Variants in ARNT2 observed in about 807,000 individuals in gnomAD.
ARNT2 encodes the protein aryl hydrocarbon receptor nuclear translocator 2.
Under a neutral mutation model 91.7 loss-of-function variants are expected in ARNT2, and 36 were observed. That is an observed-to-expected ratio of 0.39 (90% CI 0.30 to 0.52). The LOEUF is 0.52. Among genes scored for constraint, ARNT2 ranks in the 20% least tolerant of loss-of-function variants. The pLI, the probability that ARNT2 is intolerant of heterozygous loss-of-function variation, is 0.72. For synonymous variants in ARNT2, 365 were observed against 347.1 expected (o/e 1.05, Z -0.57); for missense variants, 775 against 939.3 (o/e 0.83, Z 2.29).
At chr15:80,441,297 T>G (rs2141577863) in intron 1 of ARNT2, 1 of 985,056 alleles carries the variant, frequency 1.0e-6, no homozygotes, top group Non-Finnish European at 1.2e-6. Context: ...GTTTCTGACA[T>G]TTCTTCTACA....
At chr15:80,450,633 T>C (rs1896374421) in intron 1 of ARNT2, among the ~76,000 whole-genome samples, 1 of 152,250 alleles carries the variant, frequency 6.6e-6, no homozygotes, top group African/African-American at 2.4e-5. Context: ...TCTGTTTAAT[T>C]CTGTGGTTAA....
At chr15:80,468,509 C>A (rs1209245034) in intron 3 of ARNT2, among the ~76,000 whole-genome samples, 2 of 152,154 alleles carry the variant, frequency 1.3e-5, no homozygotes, top group African/African-American at 2.4e-5. Flanking sequence ...CAATTCCAGG[C>A]CTTTATTTGA....
At chr15:80,547,717 C>T (rs559095584) in intron 8 of ARNT2, among the ~76,000 whole-genome samples, 1 of 152,132 alleles carries the variant, frequency 6.6e-6, no homozygotes, top group South Asian at 2.1e-4. Flanking sequence ...TTTTGGAAAG[C>T]TTGTATCTGT....
At chr15:80,572,900 G>C (rs907186747) in intron 12 of ARNT2, among the ~76,000 whole-genome samples, 1 of 152,216 alleles carries the variant, frequency 6.6e-6, no homozygotes, top group African/African-American at 2.4e-5. Flanking sequence ...GTTGCTGTCA[G>C]TGCTGTGGAA....
At chr15:80,539,708 A>G (rs990860514) in intron 8 of ARNT2, among the ~76,000 whole-genome samples, 11 of 152,232 alleles carry the variant, frequency 7.2e-5, no homozygotes, top group African/African-American at 2.2e-4. Context: ...GTCACTGGAA[A>G]ATCTATTCAA....
intron 5 of ARNT2, among the ~76,000 whole-genome samples, chr15:80,490,426 G>A (rs1484724070): frequency 1.3e-5 from 2 of 152,272 alleles, no homozygotes; most frequent in Admixed American, 6.5e-5. Context: ...GCAGCTAGGA[G>A]AGGACCCAGC....
chr15:80,503,165 C>G (rs1897223581), intron 5 of ARNT2, among the ~76,000 whole-genome samples: 1 of 152,192 alleles, frequency 6.6e-6, no homozygotes, highest in East Asian at 1.9e-4. Flanking sequence ...CTGTTTGCCT[C>G]TCTACTGGGA....
intron 11 of ARNT2, chr15:80,556,632 A>G (rs1039725101): frequency 1.3e-5 from 2 of 152,494 alleles, no homozygotes; most frequent in African/African-American, 4.8e-5. Flanking sequence ...AGTGTCATGC[A>G]CATCGTGACT....
chr15:80,406,441 A>G (rs1895602095), intron 1 of ARNT2, among the ~76,000 whole-genome samples: 2 of 152,272 alleles, frequency 1.3e-5, no homozygotes, highest in African/African-American at 4.8e-5. Flanking sequence ...TGAAATTAGA[A>G]AAAGCAAAAG....
intron 1 of ARNT2, chr15:80,434,036 T>C (rs890956774): frequency 4.6e-5 from 7 of 152,226 alleles, no homozygotes; most frequent in African/African-American, 1.4e-4. Context: ...GTAGGGCAGA[T>C]AGTTTCTTTA....
intron 1 of ARNT2, among the ~76,000 whole-genome samples, chr15:80,405,148 C>T (rs1018330497): frequency 6.6e-6 from 1 of 152,248 alleles, no homozygotes; most frequent in African/African-American, 2.4e-5. Context: ...GTGACATCCT[C>T]TGCTTTCTGG....
At chr15:80,593,489 C>A in intron 18 of ARNT2, 111 bp from the exon 19 acceptor site, 1 of 817,474 alleles carries the variant, frequency 1.2e-6, no homozygotes, top group Non-Finnish European at 1.9e-6. Context: ...CTCTGGGCTG[C>A]CCCTTTAGGG....
intron 12 of ARNT2, among the ~76,000 whole-genome samples, chr15:80,567,022 G>A (rs1156411774): frequency 6.6e-6 from 1 of 152,200 alleles, no homozygotes; most frequent in South Asian, 2.1e-4. Context: ...TACTCAGGAA[G>A]CAGAGAGGTA....
chr15:80,557,827 T>G (rs1171212757), intron 11 of ARNT2, among the ~76,000 whole-genome samples: 2 of 152,200 alleles, frequency 1.3e-5, no homozygotes, highest in Non-Finnish European at 2.9e-5. Flanking sequence ...GTCATTTCCT[T>G]GCTGGTCTCT....
intron 8 of ARNT2, among the ~76,000 whole-genome samples, chr15:80,516,746 CTTTT>C (rs947299409): frequency 9.6e-5 from 14 of 145,322 alleles, no homozygotes; most frequent in Non-Finnish European, 1.5e-4. Context: ...CTTTTTTTGC[CTTTT>C]TTAAGTTTCT....
Position 80,563,074 on chromosome 15 carries a change from A to G in ARNT2, c.1165-14A>G, listed in dbSNP as rs1248790740. On this transcript the variant is annotated splice_polypyrimidine_tract_variant and intron_variant, in intron 11 of 18. Coordinates refer to ENST00000303329, the MANE Select transcript of ARNT2 (RefSeq NM_014862.4). Reference sequence around the variant, plus strand: ...CTTCCTCCTGCTGACTTCCTTCTCCAAATGTTTTCTCAGGTGGTTAAGCTG... The same window carrying G: ...CTTCCTCCTGCTGACTTCCTTCTCCGAATGTTTTCTCAGGTGGTTAAGCTG... 1 of 1,613,926 alleles carries G rather than the reference A, an allele frequency of 6.2e-7. No individual in the cohort carries two copies. The highest frequency in any genetic ancestry group is 1.7e-5 in the Admixed American group (1 of 60,008).
chr15:80,546,297 G>A (rs185321052), intron 8 of ARNT2, among the ~76,000 whole-genome samples: 27 of 152,224 alleles, frequency 1.8e-4, no homozygotes, highest in Admixed American at 4.6e-4. Context: ...AGCACTCCCC[G>A]GTCATATCTA....
intron 11 of ARNT2, 89 bp downstream of exon 11, chr15:80,555,228 A>G: frequency 7.0e-7 from 1 of 1,426,398 alleles, no homozygotes; most frequent in Non-Finnish European, 9.8e-7. Context: ...ACTATGTGCC[A>G]GGCAGGCTGC....
intron 8 of ARNT2, among the ~76,000 whole-genome samples, chr15:80,524,738 G>A (rs911406221): frequency 6.6e-6 from 1 of 152,014 alleles, no homozygotes; most frequent in African/African-American, 2.4e-5. Context: ...AGCTGGGCGT[G>A]GTGGCGGGCG....
Sources: gnomAD v4.1 joint callset for allele counts (sites outside exome capture counted in the v4.1 genomes callset) on GRCh38, gnomAD v4.1.1 for gene constraint, MANE v1.5 for transcripts, NCBI Gene and HGNC (gene_info 2026-07-23, HGNC 2026-07-21) for gene names.